Variants in TENM2 observed in about 807,000 individuals in gnomAD.
The protein encoded by TENM2 is teneurin transmembrane protein 2.
TENM2 carries 52 observed loss-of-function variants against 245.2 expected under a neutral mutation model. That is an observed-to-expected ratio of 0.21 (90% CI 0.17 to 0.27). The LOEUF (loss-of-function observed/expected upper bound fraction) is 0.27. TENM2 is among the 10% of genes least tolerant of loss of function. TENM2 has a pLI of 1.00. For synonymous variants in TENM2, 1,363 were observed against 1,438.9 expected (o/e 0.95, Z 1.19); for missense variants, 3,046 against 3,666.8 (o/e 0.83, Z 4.37).
intron 2 of TENM2, among the ~76,000 whole-genome samples, chr5:167,545,969 TAAC>T (rs1197481508): frequency 6.6e-6 from 1 of 152,234 alleles, no homozygotes; most frequent in African/African-American, 2.4e-5. Context: ...TTGCAAATAA[TAAC>T]ATAGTTCTTT....
the TENM2 span, among the ~76,000 whole-genome samples, chr5:167,194,157 C>G: frequency 2.2e-4 from 34 of 151,940 alleles, no homozygotes; most frequent in African/African-American, 7.7e-4. Context: ...CCGCCTACAC[C>G]CTTTGCTGAA....
chr5:168,050,437 A>G (rs1788977957), intron 6 of TENM2, among the ~76,000 whole-genome samples: 1 of 152,204 alleles, frequency 6.6e-6, no homozygotes, highest in Admixed American at 6.5e-5. Flanking sequence ...TTTCAAAGAG[A>G]CAATCAAGAT....
chr5:168,204,243 G>A, intron 18 of TENM2, 129 bp from the exon 21 acceptor site: 1 of 996,380 alleles, frequency 1.0e-6, no homozygotes, highest in Non-Finnish European at 1.4e-6. Context: ...TCCACATTGT[G>A]AAGAAGTTGG....
intron 2 of TENM2, among the ~76,000 whole-genome samples, chr5:167,412,455 G>A (rs1043448928): frequency 1.1e-4 from 16 of 152,086 alleles, no homozygotes; most frequent in African/African-American, 3.6e-4. Context: ...GAGGTCAGGA[G>A]TTTGAGACCA....
At chr5:167,169,386 C>A in the TENM2 span, among the ~76,000 whole-genome samples, 2 of 152,286 alleles carry the variant, frequency 1.3e-5, no homozygotes, top group African/African-American at 4.8e-5. Flanking sequence ...TAAATATGAG[C>A]TACTATTTTA....
intron 12 of TENM2, chr5:168,130,160 G>A (rs1754443822): frequency 6.6e-6 from 1 of 152,228 alleles, no homozygotes; most frequent in East Asian, 1.9e-4. Context: ...TCAGGTGGAA[G>A]CCCCAGGATC....
intron 2 of TENM2, among the ~76,000 whole-genome samples, chr5:167,526,234 T>C (rs943122343): frequency 6.6e-6 from 1 of 151,824 alleles, no homozygotes; most frequent in African/African-American, 2.4e-5. Flanking sequence ...AATGACTAAA[T>C]AGGGAAGCAA....
At chr5:168,203,116 C>T (rs560423358) in intron 17 of TENM2, among the ~76,000 whole-genome samples, 1 of 152,188 alleles carries the variant, frequency 6.6e-6, no homozygotes, top group African/African-American at 2.4e-5. Context: ...CATTGAATCC[C>T]CATGTAACTG....
At chr5:167,106,515 C>A in the TENM2 span, among the ~76,000 whole-genome samples, 1 of 152,296 alleles carries the variant, frequency 6.6e-6, no homozygotes, top group Middle Eastern at 3.4e-3. Context: ...GATTTGGAAT[C>A]AAAAAGTTTC....
chr5:166,993,089 G>C, the TENM2 span, among the ~76,000 whole-genome samples: 1 of 151,900 alleles, frequency 6.6e-6, no homozygotes, highest in Non-Finnish European at 1.5e-5. Context: ...GCTTGGAGAG[G>C]AACCAGGTGC....
chr5:168,229,105 T>C (rs1435844464), intron 25 of TENM2, among the ~76,000 whole-genome samples: 4 of 150,772 alleles, frequency 2.7e-5, no homozygotes, highest in South Asian at 2.1e-4. Context: ...GTAAACCCTA[T>C]GTTAAATGCT....
At chr5:168,215,232 T>A (rs745628644) in exon 21 of TENM2, 52 of 1,613,668 alleles carry the variant, frequency 3.2e-5, no homozygotes, top group Non-Finnish European at 4.4e-5. Context: ...GCTGCGGGGA[T>A]GGAGGGAAGG....
chr5:167,995,721 G>C (rs1029498349), intron 5 of TENM2, among the ~76,000 whole-genome samples: 1 of 152,236 alleles, frequency 6.6e-6, no homozygotes, highest in African/African-American at 2.4e-5. Context: ...CAGAAACTCA[G>C]AAGTATGGTG....
At chr5:167,035,957 G>A in the TENM2 span, among the ~76,000 whole-genome samples, 1 of 152,116 alleles carries the variant, frequency 6.6e-6, no homozygotes, top group Admixed American at 6.5e-5. Flanking sequence ...TGACGAGGCT[G>A]GTCTCAAACT....
intron 3 of TENM2, among the ~76,000 whole-genome samples, chr5:167,889,279 C>T (rs977878460): frequency 2.0e-5 from 3 of 152,066 alleles, no homozygotes; most frequent in African/African-American, 7.2e-5. Flanking sequence ...CCTTGCAAAC[C>T]TCTGCTTTTG....
At chr5:168,105,691 C>T (rs1051169232) in intron 9 of TENM2, among the ~76,000 whole-genome samples, 2 of 152,066 alleles carry the variant, frequency 1.3e-5, no homozygotes, top group Admixed American at 1.3e-4. Flanking sequence ...TGTTCAGATC[C>T]AGGGCCTCAG....
chr5:167,474,140 C>T (rs575115916), intron 2 of TENM2, among the ~76,000 whole-genome samples: 10 of 146,288 alleles, frequency 6.8e-5, no homozygotes, highest in Non-Finnish European at 1.4e-4. Context: ...TTTGTCAAGT[C>T]CATTATGAAA....
chr5:167,737,369 G>A (rs973328271), intron 2 of TENM2, among the ~76,000 whole-genome samples: 1 of 152,168 alleles, frequency 6.6e-6, no homozygotes, highest in Non-Finnish European at 1.5e-5. Flanking sequence ...AGCAGTGCCT[G>A]CTCGAAAGAG....
the TENM2 span, among the ~76,000 whole-genome samples, chr5:167,046,740 A>AG: frequency 0.63 from 95,664 of 151,864 alleles, 32,211 homozygotes; most frequent in African/African-American, 0.89. Context: ...GAGAACATCC[A>AG]GGTTCGTTAC....
Sources: allele counts gnomAD v4.1 joint callset (sites outside exome capture counted in the v4.1 genomes callset), GRCh38; gene constraint gnomAD v4.1.1; transcripts MANE v1.5; gene names NCBI Gene and HGNC (gene_info 2026-07-23, HGNC 2026-07-21).